TRPM3: variants seen among roughly 807,000 people sequenced by gnomAD.
TRPM3 encodes the protein long transient receptor potential channel 3.
In TRPM3, 77 loss-of-function variants were observed where a neutral mutation model predicts 181.2. The ratio of observed to expected loss-of-function variants is 0.42; its 90% confidence interval spans 0.35 to 0.51. The LOEUF (loss-of-function observed/expected upper bound fraction) is 0.51, where lower values mean the gene tolerates loss of function less well. Among genes scored for constraint, TRPM3 ranks in the 20% least tolerant of loss-of-function variants. The pLI, the probability that TRPM3 is intolerant of heterozygous loss-of-function variation, is 0.01. For synonymous variants in TRPM3, 745 were observed against 796.4 expected (o/e 0.94, Z 1.09); for missense variants, 1,759 against 2,196.7 (o/e 0.80, Z 3.98).
At chr9:70,671,850 C>T (rs908956826) in intron 9 of TRPM3, among the ~76,000 whole-genome samples, 3 of 151,964 alleles carry the variant, frequency 2.0e-5, no homozygotes, top group African/African-American at 7.3e-5. Flanking sequence ...TTGCATCCTC[C>T]GTTACCCACT....
chr9:71,252,876 G>A (rs1332798193), intron 1 of TRPM3, among the ~76,000 whole-genome samples: 3 of 84,132 alleles, frequency 3.6e-5, no homozygotes, highest in African/African-American at 1.3e-4. Context: ...TTTTAGAAGT[G>A]CAGTCTTTCA....
chr9:70,893,555 A>G (rs2096242087), intron 1 of TRPM3, among the ~76,000 whole-genome samples: 1 of 152,134 alleles, frequency 6.6e-6, no homozygotes, highest in Non-Finnish European at 1.5e-5. Context: ...GGAATACTAC[A>G]TATATTTCTA....
At chr9:70,964,477 T>G (rs2097167147) in intron 1 of TRPM3, among the ~76,000 whole-genome samples, 1 of 152,092 alleles carries the variant, frequency 6.6e-6, no homozygotes, top group South Asian at 2.1e-4. Flanking sequence ...CCTCATTCTG[T>G]TTCATTTCCC....
chr9:71,446,705 C>T (rs1199462589), exon 1 of TRPM3: 1 of 1,550,492 alleles, frequency 6.4e-7, no homozygotes, highest in African/African-American at 1.4e-5. Flanking sequence ...CTGCTTGGAA[C>T]TTAACCTTTT....
In TRPM3 at chr9:70,994,380, A is replaced by G. The variant is rs146435041; in HGVS notation, c.177+126798T>C. On this transcript the variant is annotated intron_variant, in intron 1 of 25. Transcript: ENST00000677713. The stretch of plus-strand genomic sequence containing the variant: ...CTTACCCAGGTGTATGTAACTCCAA[A>G]GCCTATGATCTTTCCACCACTCACT... Among the ~76,000 whole-genome samples the G allele has an allele frequency of 1.9e-3, 287 of 152,296 alleles. 1 individual carries two copies. The highest frequency in any genetic ancestry group is 6.5e-3 in the African/African-American group (272 of 41,558).
At chr9:70,810,543 A>C (rs62545991) in intron 6 of TRPM3, among the ~76,000 whole-genome samples, 4,372 of 152,122 alleles carry the variant, frequency 0.029, 90 homozygotes, top group Middle Eastern at 0.058. Flanking sequence ...TCTTCTTCCC[A>C]AAGTTTTGCT....
intron 1 of TRPM3, among the ~76,000 whole-genome samples, chr9:71,440,935 T>C (rs1355565830): frequency 6.6e-6 from 1 of 152,230 alleles, no homozygotes; most frequent in African/African-American, 2.4e-5. Flanking sequence ...TTCCATTGTT[T>C]TTAAAGATCT....
intron 1 of TRPM3, among the ~76,000 whole-genome samples, chr9:70,976,926 C>T (rs752178047): frequency 7.2e-5 from 11 of 152,118 alleles, no homozygotes; most frequent in Non-Finnish European, 1.5e-4. Flanking sequence ...TCTGAATGAC[C>T]CCTTCGAGTC....
At chr9:71,204,833 A>G (rs2079027091) in intron 1 of TRPM3, among the ~76,000 whole-genome samples, 1 of 152,202 alleles carries the variant, frequency 6.6e-6, no homozygotes, top group South Asian at 2.1e-4. Flanking sequence ...ACAATGATAG[A>G]CTGGATTAAG....
chr9:70,683,808 T>C (rs1057011526), intron 8 of TRPM3, among the ~76,000 whole-genome samples: 10 of 152,182 alleles, frequency 6.6e-5, no homozygotes, highest in Non-Finnish European at 1.3e-4. Context: ...GGAACTATTC[T>C]ATCCTCTGAA....
At chr9:70,750,916 G>C (rs896309768) in intron 8 of TRPM3, among the ~76,000 whole-genome samples, 3 of 151,758 alleles carry the variant, frequency 2.0e-5, no homozygotes, top group Non-Finnish European at 4.4e-5. Flanking sequence ...GCCAGAAATA[G>C]TTTTGTGAAT....
intron 1 of TRPM3, among the ~76,000 whole-genome samples, chr9:70,896,904 T>G (rs1211183763): frequency 7.0e-6 from 1 of 142,552 alleles, no homozygotes; most frequent in African/African-American, 2.7e-5. Context: ...AAGAACTGCC[T>G]AAGATCACAG....
intron 1 of TRPM3, among the ~76,000 whole-genome samples, chr9:71,325,673 T>C (rs973960512): frequency 6.6e-6 from 1 of 151,986 alleles, no homozygotes; most frequent in Non-Finnish European, 1.5e-5. Context: ...CCCACTAACC[T>C]ACAAAACCTA....
At chr9:70,908,476 C>T in intron 1 of TRPM3, among the ~76,000 whole-genome samples, 1 of 152,072 alleles carries the variant, frequency 6.6e-6, no homozygotes, top group Non-Finnish European at 1.5e-5. Context: ...AAATGTGGGG[C>T]CAAAATCCAG....
intron 1 of TRPM3, chr9:70,916,938 A>G (rs1187842549): frequency 4.2e-6 from 5 of 1,186,150 alleles, no homozygotes; most frequent in Non-Finnish European, 6.0e-6. Context: ...TGATGGTGGC[A>G]CTGCAAATTG....
chr9:71,343,997 G>T lies in TRPM3; in HGVS notation c.183+102656C>A, dbSNP rs538564209. The stretch of plus-strand genomic sequence containing the variant: ...AATTATAACCTATTGCATAAAATAG[G>T]AATCTATTATTCCATGTTAGATTAG... On this transcript the variant is annotated intron_variant, in intron 1 of 24. Transcript: ENST00000357533. Among the ~76,000 whole-genome samples, 9 of 139,392 alleles carry T rather than the reference G, an allele frequency of 6.5e-5. No homozygotes were observed. In the South Asian group the frequency reaches 2.1e-3, roughly 32 times the overall value. 91.4% of individuals were successfully genotyped at this position (139,392 alleles called of 152,430 possible).
intron 1 of TRPM3, among the ~76,000 whole-genome samples, chr9:71,406,703 G>T (rs2093441930): frequency 1.3e-5 from 2 of 152,126 alleles, no homozygotes; most frequent in Admixed American, 6.6e-5. Flanking sequence ...AATGTCATTT[G>T]CATCAGTGCC....
At chr9:70,752,323 G>A (rs140645559) in intron 8 of TRPM3, among the ~76,000 whole-genome samples, 2 of 152,236 alleles carry the variant, frequency 1.3e-5, no homozygotes, top group East Asian at 3.9e-4. Flanking sequence ...CATAAGGATG[G>A]ACCATTAAAT....
At chr9:70,777,217 G>A (rs923158530) in intron 7 of TRPM3, among the ~76,000 whole-genome samples, 1 of 151,866 alleles carries the variant, frequency 6.6e-6, no homozygotes, top group Non-Finnish European at 1.5e-5. Context: ...TGTTTTCTCC[G>A]ACATTTGCTC....
Sources: gnomAD v4.1 joint callset for allele counts (sites outside exome capture counted in the v4.1 genomes callset) on GRCh38, gnomAD v4.1.1 for gene constraint, MANE v1.5 for transcripts, NCBI Gene and HGNC (gene_info 2026-07-23, HGNC 2026-07-21) for gene names.